MAML1: variants seen among roughly 807,000 people sequenced by gnomAD.
MAML1 encodes mastermind-like protein 1.
MAML1 carries 14 observed loss-of-function variants against 77.1 expected under a neutral mutation model. That is an observed-to-expected ratio of 0.18 (90% CI 0.12 to 0.28). The LOEUF (loss-of-function observed/expected upper bound fraction) is 0.28. MAML1 is among the 10% of genes least tolerant of loss of function. The pLI, the probability that MAML1 is intolerant of heterozygous loss-of-function variation, is 1.00. For synonymous variants in MAML1, 516 were observed against 551.9 expected, an observed-to-expected ratio of 0.93 and a Z score of 0.91; for missense variants, 1,217 against 1,327.8, an observed-to-expected ratio of 0.92 and a Z score of 1.30.
intron 1 of MAML1, among the ~76,000 whole-genome samples, chr5:179,764,019 G>T (rs1010976850): frequency 6.6e-6 from 1 of 152,146 alleles, no homozygotes; most frequent in Non-Finnish European, 1.5e-5. Context: ...GTTGAGTCCT[G>T]ACTGCAGCAC....
chr5:179,775,818 C>T lies in MAML1; in HGVS notation c.*941C>T. 1.0e-6 allele frequency: 1 copy of T among 985,536 alleles called. No individual in the cohort carries two copies. Among genetic ancestry groups the T allele is most frequent in the Non-Finnish European group, 1.2e-6 (1 of 829,972 alleles). 61.0% of individuals were successfully genotyped at this position (985,536 alleles called of 1,614,324 possible). A position where few individuals can be genotyped will look rare whatever the true frequency, so the allele number is the denominator to read the frequency against. ...TTACCGTTGGCCTTTCTGTCTGCCT[C>T]TCCTTCCTCTCTGCAGCCCAAATGG... On this transcript the variant is annotated 3_prime_UTR_variant, in exon 5 of 5. Coordinates refer to ENST00000292599, the MANE Select transcript of MAML1 (RefSeq NM_014757.5).
At position 179,766,560 on chromosome 5, in the gene MAML1, C is replaced by T; in HGVS notation, c.1550C>T (p.Pro517Leu). ...GSVLDYGNTK[P>L]LSHYKADCGQ... ...GTGCTGGACTACGGCAATACAAAAC[C>T]CCTTTCTCATTACAAAGCGGACTGT... Residue 517 changes from proline (P) to leucine (L), a missense_variant, in exon 2 of 5, where the codon CCC becomes CTC. Transcript: ENST00000292599. This position sits in a 1 kb window ranked among gnomAD's most constrained non-coding sequence, Gnocchi z 4.0. 6.2e-7 allele frequency: 1 copy of T among 1,608,450 alleles called. No individual in the cohort carries two copies. The highest frequency in any genetic ancestry group is 2.2e-5 in the East Asian group (1 of 44,760).
intron 1 of MAML1, among the ~76,000 whole-genome samples, chr5:179,754,918 G>A (rs528939424): frequency 2.5e-4 from 38 of 152,256 alleles, no homozygotes; most frequent in African/African-American, 8.7e-4. Context: ...AGGTCCAGAG[G>A]GAATAAGAAG....
Position 179,768,788 on chromosome 5 carries a change from A to G in MAML1, c.1732-62A>G, listed in dbSNP as rs370534826. The G allele has an allele frequency of 3.2e-6, 5 of 1,583,274 alleles. No homozygotes were observed. In the East Asian group the frequency reaches 6.8e-5, roughly 21 times the overall value. ...AGAGAGTGAACCTTGAATTCACTGGATGGAGCTTATTTGGTCTGATCAGAG... is the reference window on the plus strand; with the variant it reads ...AGAGAGTGAACCTTGAATTCACTGGGTGGAGCTTATTTGGTCTGATCAGAG... On this transcript the variant is annotated intron_variant, in intron 2 of 4. Transcript: ENST00000292599.
chr5:179,746,376 A>G (rs189329224), intron 1 of MAML1, among the ~76,000 whole-genome samples: 2 of 152,072 alleles, frequency 1.3e-5, no homozygotes, highest in East Asian at 1.9e-4. Flanking sequence ...AGTTATAGCA[A>G]TGTTTTGTTT....
Position 179,767,012 on chromosome 5 carries a change from C to T in MAML1, c.1731+271C>T, listed in dbSNP as rs143001859. ...CCTGCATTTAGTCCACTGTCTCTTT[C>T]GTGCCGTAGGATTTAAATTAAGTAA... On this transcript the variant is annotated intron_variant, in intron 2 of 4. Coordinates refer to ENST00000292599, the MANE Select transcript of MAML1 (RefSeq NM_014757.5). 1.6e-3 allele frequency among the ~76,000 whole-genome samples: 249 copies of T among 151,514 alleles called. 3 individuals are homozygous for T. Among genetic ancestry groups the T allele is most frequent in the African/African-American group, 5.8e-3 (240 of 41,264 alleles).
Position 179,776,257 on chromosome 5 carries a change from GC to G in MAML1, c.*1384del. On this transcript the variant is annotated 3_prime_UTR_variant, in exon 5 of 5. Coordinates refer to ENST00000292599, the MANE Select transcript of MAML1 (RefSeq NM_014757.5). ...CAGAGTGTTCTGTGGAGAAACTGCAGCCCCACTTCTGTTTCCCTGGAGTCTC... is the reference window on the plus strand; with the variant it reads ...CAGAGTGTTCTGTGGAGAAACTGCAGCCCACTTCTGTTTCCCTGGAGTCTC... The G allele has an allele frequency of 1.0e-6, 1 of 985,890 alleles. No individual in the cohort carries two copies. Among genetic ancestry groups the G allele is most frequent in the East Asian group, 1.1e-4 (1 of 8,816 alleles). The allele number at this position is 985,890 out of a possible 1,614,324, so 61.1% of individuals were successfully genotyped here.
intron 4 of MAML1, among the ~76,000 whole-genome samples, chr5:179,772,641 G>C (rs906317356): frequency 6.6e-6 from 1 of 152,182 alleles, no homozygotes; most frequent in Non-Finnish European, 1.5e-5. Context: ...CTGCCACAGA[G>C]TGGGTACTCA....
At chr5:179,755,963 A>T (rs1779606506) in intron 1 of MAML1, among the ~76,000 whole-genome samples, 1 of 150,612 alleles carries the variant, frequency 6.6e-6, no homozygotes, top group Non-Finnish European at 1.5e-5. Flanking sequence ...AGAGGGTTTC[A>T]CCATGTTGGC....
intron 1 of MAML1, among the ~76,000 whole-genome samples, chr5:179,753,424 C>G (rs941918103): frequency 2.0e-5 from 3 of 152,098 alleles, no homozygotes; most frequent in Non-Finnish European, 2.9e-5. Context: ...AATTGCTGCA[C>G]TTAACTCCCA....
intron 1 of MAML1, among the ~76,000 whole-genome samples, chr5:179,754,823 C>T (rs1779580016): frequency 1.3e-5 from 2 of 152,084 alleles, no homozygotes; most frequent in Non-Finnish European, 2.9e-5. Context: ...ACTTAGAGAA[C>T]CACTGCTCTA....
chr5:179,758,387 C>T (rs1392488518), intron 1 of MAML1, among the ~76,000 whole-genome samples: 3 of 127,770 alleles, frequency 2.3e-5, no homozygotes, highest in East Asian at 2.2e-4. Flanking sequence ...ATTTTTTTTT[C>T]TTTTTCTTTT....
chr5:179,773,506 C>CCCCATCGCGT (rs1232453784), intron 4 of MAML1, among the ~76,000 whole-genome samples: 2 of 151,526 alleles, frequency 1.3e-5, no homozygotes, highest in African/African-American at 4.9e-5. Context: ...GCCAGGCGCG[C>CCCCATCGCGT]CCCATCGCGC....
intron 1 of MAML1, among the ~76,000 whole-genome samples, chr5:179,747,672 A>C (rs1779406409): frequency 6.6e-6 from 1 of 151,866 alleles, no homozygotes; most frequent in Admixed American, 6.6e-5. Context: ...TAGCCAGGTG[A>C]GGTGGTGGGC....
Position 179,765,611 on chromosome 5 carries a change from G to C in MAML1, c.601G>C (p.Gly201Arg). The change falls in exon 2 of 5, where the codon GGC becomes CGC. Residue 201 changes from glycine (G) to arginine (R), a missense_variant. Coordinates refer to ENST00000292599, the MANE Select transcript of MAML1 (RefSeq NM_014757.5). ...TGACTCCAGCCTTCACTTGAATGGA[G>C]GCAGTAACCCCAGTGAGTCATTTCC... is the stretch of plus-strand genomic sequence containing the variant. The part of the protein sequence containing the change: ...LADSSLHLNG[G>R]SNPSESFPLS... 1 of 1,614,196 alleles carries C rather than the reference G, an allele frequency of 6.2e-7. No homozygotes were observed. Among genetic ancestry groups the C allele is most frequent in the Non-Finnish European group, 8.5e-7 (1 of 1,180,050 alleles).
intron 1 of MAML1, among the ~76,000 whole-genome samples, chr5:179,748,391 A>G (rs1042034093): frequency 3.3e-5 from 5 of 152,166 alleles, no homozygotes; most frequent in African/African-American, 1.2e-4. Flanking sequence ...CGACTACTGT[A>G]TACTTTAAAA....
chr5:179,753,183 T>TTG (rs1562559394), intron 1 of MAML1, among the ~76,000 whole-genome samples: 1 of 108,974 alleles, frequency 9.2e-6, no homozygotes, highest in African/African-American at 3.6e-5. Context: ...TGCTATTTTT[T>TTG]AGTGTGTGTG....
chr5:179,748,773 G>A (rs1003488613), intron 1 of MAML1, among the ~76,000 whole-genome samples: 1 of 152,164 alleles, frequency 6.6e-6, no homozygotes, highest in Non-Finnish European at 1.5e-5. Flanking sequence ...CTGGATGGGA[G>A]GGTACCAGGT....
chr5:179,747,386 C>A (rs1347318281), intron 1 of MAML1, among the ~76,000 whole-genome samples: 1 of 152,084 alleles, frequency 6.6e-6, no homozygotes, highest in Non-Finnish European at 1.5e-5. Context: ...GGCAGGAGGT[C>A]CTGATTTGCA....
Sources: gnomAD v4.1 joint callset for allele counts (sites outside exome capture counted in the v4.1 genomes callset) on GRCh38, gnomAD v4.1.1 for gene constraint, Gnocchi (gnomAD v3.1) non-coding constraint, MANE v1.5 for transcripts, NCBI Gene and HGNC (gene_info 2026-07-23, HGNC 2026-07-21) for gene names.